The following AFF2 variants were observed in gnomAD, a reference collection of about 807,000 sequenced individuals.
The protein encoded by AFF2 is AF4/FMR2 family member 2.
AFF2 carries 14 observed loss-of-function variants against 76.9 expected under a neutral mutation model. The observed-to-expected ratio is 0.18, with a 90% CI of 0.12 to 0.28. The LOEUF (loss-of-function observed/expected upper bound fraction) is 0.28, where lower values mean the gene tolerates loss of function less well. Among genes scored for constraint, AFF2 ranks in the 10% least tolerant of loss-of-function variants. The pLI, the probability that AFF2 is intolerant of heterozygous loss-of-function variation, is 1.00. For missense variants in AFF2, 868 were observed against 1,001.1 expected, an observed-to-expected ratio of 0.87 and a Z score of 1.79; for synonymous variants, 398 against 366.7, an observed-to-expected ratio of 1.09 and a Z score of -0.98.
intron 1 of AFF2, among the ~76,000 whole-genome samples, chrX:148,579,872 A>T (rs980534800): frequency 1.8e-5 from 2 of 111,610 alleles, no homozygotes; most frequent in Middle Eastern, 4.2e-3. Flanking sequence ...GCTATGAAGG[A>T]CATGGAGGAG....
intron 8 of AFF2, among the ~76,000 whole-genome samples, chrX:148,890,047 G>T (rs1185332665): frequency 8.9e-6 from 1 of 111,866 alleles, no homozygotes. Context: ...CCCTTTTCTT[G>T]TAAGGAATGG....
intron 1 of AFF2, among the ~76,000 whole-genome samples, chrX:148,623,014 C>T (rs2124420629): frequency 8.9e-6 from 1 of 111,830 alleles, no homozygotes; most frequent in South Asian, 3.7e-4. Flanking sequence ...TTGGTAGAAA[C>T]AATTCAGGTG....
rs1446422800 is a variant in AFF2, at chrX:148,967,641, T to C, written c.3216T>C (p.Ala1072=). 2 of 1,209,918 alleles carry C rather than the reference T, an allele frequency of 1.7e-6. No individual in the cohort carries two copies. The highest frequency in any genetic ancestry group is 3.5e-5 in the African/African-American group (2 of 57,915). The change falls in exon 15 of 21, where the codon GCT becomes GCC. Residue 1072 remains alanine, a synonymous_variant. Coordinates refer to ENST00000370460, the MANE Select transcript of AFF2 (RefSeq NM_002025.4). ...TTTGTTTATTTAGGGTTCACAATGCTGATTATTACATGCAAGAAGCTAAGA... is the reference window on the plus strand; with the variant it reads ...TTTGTTTATTTAGGGTTCACAATGCCGATTATTACATGCAAGAAGCTAAGA... ...KLTFDDSVHN[A]DYYMQEAKKL... is the part of the protein sequence containing the mutation.
At chrX:148,842,369 A>G (rs1050274355) in intron 5 of AFF2, among the ~76,000 whole-genome samples, 3 of 112,873 alleles carry the variant, frequency 2.7e-5, no homozygotes, top group Non-Finnish European at 5.6e-5. Flanking sequence ...TAAATAACAC[A>G]GTCCACTAAC....
chrX:148,598,343 A>C (rs1307789548), intron 1 of AFF2, among the ~76,000 whole-genome samples: 1 of 111,881 alleles, frequency 8.9e-6, no homozygotes, highest in East Asian at 2.8e-4. Flanking sequence ...TGAAGGAGAT[A>C]GTTCTGGCTC....
At chrX:148,664,657 C>T (rs1416349017) in intron 3 of AFF2, among the ~76,000 whole-genome samples, 1 of 112,606 alleles carries the variant, frequency 8.9e-6, no homozygotes, top group Non-Finnish European at 1.9e-5. Flanking sequence ...GCAAGGAATA[C>T]CTCATTCTCT....
chrX:148,732,571 A>T (rs2124554631), intron 3 of AFF2, among the ~76,000 whole-genome samples: 1 of 97,277 alleles, frequency 1.0e-5, no homozygotes, highest in Non-Finnish European at 2.0e-5. Flanking sequence ...AACTTAAAGT[A>T]TAATTAAAAA....
chrX:148,915,282 G>A (rs1358811259), intron 9 of AFF2, among the ~76,000 whole-genome samples: 6 of 112,534 alleles, frequency 5.3e-5, no homozygotes, highest in Non-Finnish European at 9.4e-5. Context: ...ATATGCACAT[G>A]TGTTTATATA....
chrX:148,904,087 T>C (rs894395189), intron 8 of AFF2, 134 bp from the exon 9 acceptor site: 2 of 488,217 alleles, frequency 4.1e-6, no homozygotes, highest in East Asian at 7.6e-5. Flanking sequence ...CCAGTCTGCT[T>C]ATCTACAGCA....
rs940671317 is a variant in AFF2 at position 148,596,436 on chromosome X, C to A, written c.48-55563C>A. Among the ~76,000 whole-genome samples, 5 of 111,809 alleles carry A rather than the reference C, an allele frequency of 4.5e-5. No homozygotes were observed. The South Asian group carries it at 1.9e-3, about 42-fold the overall frequency. ...CTGCACAAAGACCCTTTCATCTAGC[C>A]AGGTCTCTCTCCTTAATTGCTTGCA... On this transcript the variant is annotated intron_variant, in intron 1 of 20. Transcript: ENST00000370460.
At chrX:148,825,570 T>C (rs1347612997) in intron 4 of AFF2, among the ~76,000 whole-genome samples, 6 of 94,476 alleles carry the variant, frequency 6.4e-5, no homozygotes, top group African/African-American at 2.1e-4. Context: ...GTAAGCTCCT[T>C]TCATGTCTTT....
chrX:148,996,456 G>C lies in AFF2; in HGVS notation c.*5124G>C, dbSNP rs369931707. The C allele has an allele frequency of 8.9e-6, 1 of 112,793 alleles. No homozygotes were observed. The highest frequency in any genetic ancestry group is 1.9e-5 in the Non-Finnish European group (1 of 53,386). The allele number at this position is 112,793 out of a possible 1,213,427, so 9.3% of individuals were successfully genotyped here. ...AACACATGGTTGGAAAGAGATGCAC[G>C]CAGTTGGCTCTTGCAAGCCTGGGCA... On this transcript the variant is annotated 3_prime_UTR_variant, in exon 21 of 21. Transcript: ENST00000370460.
At chrX:148,915,756 G>A (rs2071520446) in intron 9 of AFF2, among the ~76,000 whole-genome samples, 1 of 112,139 alleles carries the variant, frequency 8.9e-6, no homozygotes, top group African/African-American at 3.2e-5. Flanking sequence ...ATGTTGCGCA[G>A]GTTTAATAGC....
chrX:148,907,955 G>A (rs905132161), intron 9 of AFF2, among the ~76,000 whole-genome samples: 42 of 110,730 alleles, frequency 3.8e-4, no homozygotes, highest in Non-Finnish European at 7.4e-4. Flanking sequence ...CCTCAAGGAC[G>A]CATTCTCTTT....
chrX:148,931,874 T>A (rs1177090120), intron 9 of AFF2, among the ~76,000 whole-genome samples: 4 of 112,276 alleles, frequency 3.6e-5, no homozygotes, highest in African/African-American at 9.7e-5. Flanking sequence ...GTTCATTTGC[T>A]ACTTACATGT....
intron 3 of AFF2, among the ~76,000 whole-genome samples, chrX:148,666,783 G>A (rs1334083346): frequency 1.8e-5 from 2 of 111,091 alleles, no homozygotes; most frequent in East Asian, 5.6e-4. Context: ...ACTGAGGGTT[G>A]CTTGCAGATG....
chrX:148,554,224 A>T (rs1250089411), intron 1 of AFF2, among the ~76,000 whole-genome samples: 1 of 112,809 alleles, frequency 8.9e-6, no homozygotes, highest in East Asian at 2.8e-4. Context: ...TCACTCATTC[A>T]TTCAACAGAT....
At chrX:148,598,177 A>G (rs1218476872) in intron 1 of AFF2, among the ~76,000 whole-genome samples, 2 of 112,119 alleles carry the variant, frequency 1.8e-5, no homozygotes, top group South Asian at 3.7e-4. Context: ...ATAAAATAAT[A>G]GTAAGGCAAC....
intron 3 of AFF2, chrX:148,719,136 A>G (rs1312165983): frequency 1.5e-5 from 17 of 1,141,671 alleles, no homozygotes; most frequent in East Asian, 3.3e-5. Flanking sequence ...TGGCCCATCT[A>G]TCTATCCCAG....
Sources: allele counts gnomAD v4.1 joint callset (sites outside exome capture counted in the v4.1 genomes callset), GRCh38; gene constraint gnomAD v4.1.1; transcripts MANE v1.5; gene names NCBI Gene and HGNC (gene_info 2026-07-23, HGNC 2026-07-21).